The following ZNF473 variants were observed in gnomAD, a reference collection of about 807,000 sequenced individuals.
ZNF473 encodes zinc finger protein 100 homolog.
Under a neutral mutation model 11.1 loss-of-function variants are expected in ZNF473, and 4 were observed. The observed-to-expected ratio is 0.36, with a 90% CI of 0.18 to 0.82. The LOEUF is 0.82. Ranked by LOEUF, ZNF473 falls within the 40% of genes least tolerant of loss-of-function variation. The pLI is 0.49. For synonymous variants in ZNF473, 404 were observed against 390.4 expected (o/e 1.03, Z -0.41); for missense variants, 854 against 1,084.0 (o/e 0.79, Z 2.98).
At chr19:50,033,500 G>A (rs902975483) in intron 2 of ZNF473, among the ~76,000 whole-genome samples, 3 of 152,256 alleles carry the variant, frequency 2.0e-5, no homozygotes, top group South Asian at 2.1e-4. Flanking sequence ...TGTTGTAAGC[G>A]GAAACAGGAT....
rs897774685 is a variant in ZNF473, at chr19:50,031,102, G to T, written c.9+11G>T. On this transcript the variant is annotated intron_variant, in intron 2 of 4. Coordinates refer to ENST00000270617, the MANE Select transcript of ZNF473 (RefSeq NM_015428.4). ...TTGGCCATGGCTGAGGTGAGTTGAA[G>T]GTCGCTCTGTCCTAATCGGTCACAC... 2 of 1,565,704 alleles carry T rather than the reference G, an allele frequency of 1.3e-6. No homozygotes were observed.
rs1264043406 is a variant in ZNF473 at position 50,039,117 on chromosome 19, C to T, written c.10-44C>T. 6.2e-7 allele frequency: 1 copy of T among 1,610,450 alleles called. No individual in the cohort carries two copies. The highest frequency in any genetic ancestry group is 1.1e-5 in the South Asian group (1 of 90,790). ...CCCTGAGTGAGCTGTTGGGCTCCTC[C>T]CTGACCCCAGCCTCTGAGTGACCAA... On this transcript the variant is annotated intron_variant, in intron 2 of 4. Coordinates refer to ENST00000270617, the MANE Select transcript of ZNF473 (RefSeq NM_015428.4). This position sits in a 1 kb window ranked among gnomAD's most constrained non-coding sequence, Gnocchi z 4.8.
chr19:50,028,929 A>G (rs995421937), intron 1 of ZNF473, among the ~76,000 whole-genome samples: 3 of 152,178 alleles, frequency 2.0e-5, no homozygotes, highest in African/African-American at 2.4e-5. Context: ...CCATATTCCC[A>G]TATTTGTAGT....
intron 3 of ZNF473, chr19:50,040,515 A>C (rs1264981416): frequency 6.6e-6 from 1 of 152,304 alleles, no homozygotes; most frequent in East Asian, 1.9e-4. Flanking sequence ...ACCCCCCTGA[A>C]ATCCAGCCTT....
chr19:50,046,010 C>T lies in ZNF473; in HGVS notation c.1567C>T (p.Arg523Cys), dbSNP rs765882894. The part of the protein sequence containing the change: ...TPYECQECGE[R>C]FICGSTLKCH... ...ATATGAATGTCAGGAGTGCGGAGAA[C>T]GCTTCATTTGCGGCTCAACCCTGAA... Residue 523 changes from arginine to cysteine, a missense_variant, in exon 5 of 5, where the codon CGC becomes TGC. Arg to Cys is a radical substitution (Grantham distance 180). Coordinates refer to ENST00000270617, the MANE Select transcript of ZNF473 (RefSeq NM_015428.4). The surrounding 1 kb of genome is among the most constrained non-coding windows in gnomAD (Gnocchi z 5.9). The T allele has an allele frequency of 1.2e-5, 19 of 1,614,164 alleles. No homozygotes were observed. The highest frequency in any genetic ancestry group is 8.8e-5 in the South Asian group (8 of 91,082).
intron 1 of ZNF473, among the ~76,000 whole-genome samples, chr19:50,028,796 G>C (rs2077301321): frequency 6.6e-6 from 1 of 152,116 alleles, no homozygotes; most frequent in African/African-American, 2.4e-5. Flanking sequence ...AAAACATTCT[G>C]TCTGCCAACA....
At chr19:50,026,669 A>C (rs2077282498) in intron 1 of ZNF473, among the ~76,000 whole-genome samples, 1 of 152,008 alleles carries the variant, frequency 6.6e-6, no homozygotes, top group Non-Finnish European at 1.5e-5. Context: ...CTGTCTCCAC[A>C]AAAGAAGAAA....
chr19:50,033,256 T>C (rs1323256123), intron 2 of ZNF473, among the ~76,000 whole-genome samples: 3 of 152,080 alleles, frequency 2.0e-5, no homozygotes, highest in African/African-American at 4.8e-5. Context: ...AGCAGAGAAC[T>C]GAGGGACACA....
Position 50,046,558 on chromosome 19 carries a change from C to G in ZNF473, c.2115C>G (p.Asn705Lys). 1 of 1,614,200 alleles carries G rather than the reference C, an allele frequency of 6.2e-7. No homozygotes were observed. The highest frequency in any genetic ancestry group is 1.3e-5 in the African/African-American group (1 of 75,036). Residue 705 changes from asparagine to lysine, a missense_variant, in exon 5 of 5, where the codon AAC (asparagine) becomes AAG (lysine). By Grantham distance (94) the Asn-to-Lys change is moderately conservative. This residue lies in a region of ZNF473 where 186 missense variants were observed against 293.8 expected (regional missense o/e 0.63). Coordinates refer to ENST00000270617, the MANE Select transcript of ZNF473 (RefSeq NM_015428.4). This position sits in a 1 kb window ranked among gnomAD's most constrained non-coding sequence, Gnocchi z 5.9. The stretch of plus-strand genomic sequence containing the variant: ...CCAGAAAGAAGCCGTTGGTGTGTAA[C>G]GAATGCGGGAAAACGTTCCGTCAGA... ...THARKKPLVCNECGKTFRQSS... is the reference protein window; with the variant it reads ...THARKKPLVCKECGKTFRQSS...
At chr19:50,028,815 G>A (rs1775266456) in intron 1 of ZNF473, among the ~76,000 whole-genome samples, 1 of 152,126 alleles carries the variant, frequency 6.6e-6, no homozygotes, top group South Asian at 2.1e-4. Flanking sequence ...CAAACATTAT[G>A]GGCCAAATAT....
chr19:50,029,819 T>A (rs2077308439), intron 1 of ZNF473, among the ~76,000 whole-genome samples: 1 of 152,154 alleles, frequency 6.6e-6, no homozygotes, highest in South Asian at 2.1e-4. Flanking sequence ...AGCTTTTGTT[T>A]AGTTACACTG....
chr19:50,041,407 T>C (rs1978760335), intron 3 of ZNF473: 1 of 185,214 alleles, frequency 5.4e-6, no homozygotes, highest in African/African-American at 2.4e-5. Context: ...GAATAAATCA[T>C]GAATGGCTAA....
intron 2 of ZNF473, among the ~76,000 whole-genome samples, chr19:50,038,009 A>AAT (rs377501968): frequency 7.4e-6 from 1 of 134,942 alleles, no homozygotes; most frequent in Admixed American, 7.7e-5. Context: ...ATAGTAGAAA[A>AAT]TTTTTTTTTT....
Position 50,030,967 on chromosome 19 carries a change from A to G in ZNF473, c.-116A>G. The G allele has an allele frequency of 1.4e-6, 2 of 1,462,238 alleles. No individual in the cohort carries two copies. The highest frequency in any genetic ancestry group is 1.9e-6 in the Non-Finnish European group (2 of 1,067,478). The allele number at this position is 1,462,238 out of a possible 1,614,324, so 90.6% of individuals were successfully genotyped here. The stretch of plus-strand genomic sequence containing the variant: ...CGTCAGCATGGACAGCGAGTCAGCC[A>G]TGGGTGGAAGGGAGGCTTTCTCACA... On this transcript the variant is annotated 5_prime_UTR_variant, in exon 2 of 5. The change abolishes an upstream ATG in the 5' untranslated region. Coordinates refer to ENST00000270617, the MANE Select transcript of ZNF473 (RefSeq NM_015428.4).
At chr19:50,036,752 G>C (rs1332669896) in intron 2 of ZNF473, among the ~76,000 whole-genome samples, 1 of 152,150 alleles carries the variant, frequency 6.6e-6, no homozygotes, top group Non-Finnish European at 1.5e-5. Flanking sequence ...CATTGCTTCA[G>C]TTCCCTCACC....
At chr19:50,030,860 T>C in intron 1 of ZNF473, 32 bp from the exon 2 acceptor site, 1 of 626,506 alleles carries the variant, frequency 1.6e-6, no homozygotes, top group Non-Finnish European at 2.8e-6. Flanking sequence ...TGAGGTGGCT[T>C]CAGTAAATAT....
Position 50,039,132 on chromosome 19 carries a change from T to C in ZNF473, c.10-29T>C. On this transcript the variant is annotated intron_variant, in intron 2 of 4. Coordinates refer to ENST00000270617, the MANE Select transcript of ZNF473 (RefSeq NM_015428.4). This position sits in a 1 kb window ranked among gnomAD's most constrained non-coding sequence, Gnocchi z 4.8. ...TGGGCTCCTCCCTGACCCCAGCCTC[T>C]GAGTGACCAATAGTGTACTGTGTTT... The C allele has an allele frequency of 2.5e-6, 4 of 1,613,002 alleles. No homozygotes were observed. Among genetic ancestry groups the C allele is most frequent in the Non-Finnish European group, 3.4e-6 (4 of 1,179,150 alleles).
rs745841822 is a variant in ZNF473, at chr19:50,044,926, C to T, written c.483C>T (p.Thr161=). 85 of 1,614,074 alleles carry T rather than the reference C, an allele frequency of 5.3e-5. No homozygotes were observed. The Admixed American group carries it at 9.8e-4, about 19-fold the overall frequency. Residue 161 remains threonine, a synonymous_variant, in exon 5 of 5, where the codon ACC becomes ACT. Transcript: ENST00000270617. ...ELKRGLSPVS[T]VSTGEDSMVH... ...AGAGAGGACTCAGTCCTGTGTCCACCGTTTCCACGGGAGAAGATTCCATGG... is the reference window on the plus strand; with the variant it reads ...AGAGAGGACTCAGTCCTGTGTCCACTGTTTCCACGGGAGAAGATTCCATGG...
intron 2 of ZNF473, among the ~76,000 whole-genome samples, chr19:50,031,929 TC>T (rs769764758): frequency 1.3e-5 from 2 of 151,544 alleles, no homozygotes; most frequent in East Asian, 1.9e-4. Flanking sequence ...GGCCTCCCTC[TC>T]CCCCTTGGCC....
Sources: gnomAD v4.1 joint callset for allele counts (sites outside exome capture counted in the v4.1 genomes callset) on GRCh38, gnomAD v4.1.1 for gene constraint, gnomAD v4.1.1 regional missense constraint, Gnocchi (gnomAD v3.1) non-coding constraint, MANE v1.5 for transcripts, NCBI Gene and HGNC (gene_info 2026-07-23, HGNC 2026-07-21) for gene names.